Variants in LUZP2 observed in about 807,000 individuals in gnomAD.
LUZP2 encodes the protein leucine zipper protein 2.
Under a neutral mutation model 51.6 loss-of-function variants are expected in LUZP2, and 52 were observed. The ratio of observed to expected loss-of-function variants is 1.01; its 90% confidence interval spans 0.81 to 1.27. The LOEUF (loss-of-function observed/expected upper bound fraction) is 1.27, where lower values mean the gene tolerates loss of function less well. Ranked by LOEUF, LUZP2 falls within the 50% of genes most tolerant of loss-of-function variation. LUZP2 has a pLI of 0.00. For missense variants in LUZP2, 436 were observed against 395.4 expected (o/e 1.10, Z -0.87); for synonymous variants, 154 against 137.3 (o/e 1.12, Z -0.85).
chr11:24,931,010 G>A (rs575919266), intron 7 of LUZP2, among the ~76,000 whole-genome samples: 2 of 151,926 alleles, frequency 1.3e-5, no homozygotes, highest in African/African-American at 2.4e-5. Context: ...TCAGAAGATC[G>A]AGACCATCCT....
At chr11:25,034,951 A>G (rs1041535575) in intron 9 of LUZP2, among the ~76,000 whole-genome samples, 1 of 152,106 alleles carries the variant, frequency 6.6e-6, no homozygotes, top group African/African-American at 2.4e-5. Context: ...GATCATCTCA[A>G]TAGATACAGA....
At chr11:24,663,333 A>G (rs376603194) in intron 1 of LUZP2, among the ~76,000 whole-genome samples, 2 of 152,116 alleles carry the variant, frequency 1.3e-5, no homozygotes, top group Non-Finnish European at 1.5e-5. Context: ...CTCCTGCTCC[A>G]TCATCATAAG....
intron 1 of LUZP2, among the ~76,000 whole-genome samples, chr11:24,660,315 C>A (rs1283788506): frequency 6.6e-6 from 1 of 152,064 alleles, no homozygotes; most frequent in Non-Finnish European, 1.5e-5. Context: ...ATGGGGCTGA[C>A]AACTTTCATG....
intron 5 of LUZP2, among the ~76,000 whole-genome samples, chr11:24,901,680 T>G (rs1853287071): frequency 6.6e-6 from 1 of 152,144 alleles, no homozygotes; most frequent in African/African-American, 2.4e-5. Context: ...CCACCCTTGA[T>G]ATCTAAACCT....
At chr11:24,522,719 A>G (rs1317143246) in intron 1 of LUZP2, among the ~76,000 whole-genome samples, 1 of 152,150 alleles carries the variant, frequency 6.6e-6, no homozygotes, top group East Asian at 1.9e-4. Context: ...AATTAAATAT[A>G]CAATCGTCTT....
At chr11:25,053,484 T>C (rs1403968594) in intron 10 of LUZP2, among the ~76,000 whole-genome samples, 1 of 151,792 alleles carries the variant, frequency 6.6e-6, no homozygotes, top group Non-Finnish European at 1.5e-5. Flanking sequence ...ATTTGCTGAG[T>C]CCAGGACTGT....
intron 1 of LUZP2, among the ~76,000 whole-genome samples, chr11:24,702,488 G>A (rs1041928238): frequency 6.6e-6 from 1 of 152,188 alleles, no homozygotes; most frequent in African/African-American, 2.4e-5. Flanking sequence ...TTCTGCTGAG[G>A]CCTCAGTGAG....
intron 7 of LUZP2, among the ~76,000 whole-genome samples, chr11:24,948,888 T>C (rs1184146082): frequency 6.6e-6 from 1 of 151,328 alleles, no homozygotes; most frequent in Non-Finnish European, 1.5e-5. Flanking sequence ...TCTATCTAGA[T>C]ATACTTAGAT....
chr11:24,552,481 A>G (rs966571612), intron 1 of LUZP2, among the ~76,000 whole-genome samples: 8 of 152,014 alleles, frequency 5.3e-5, no homozygotes, highest in African/African-American at 1.9e-4. Flanking sequence ...CTATAAATAA[A>G]CAATATTATC....
chr11:24,602,228 A>ATATATGTG (rs71041784), intron 1 of LUZP2, among the ~76,000 whole-genome samples: 2,439 of 33,700 alleles, frequency 0.072, 82 homozygotes, highest in Non-Finnish European at 0.13. Context: ...ATATATGTAC[A>ATATATGTG]TATATGTGTA....
intron 1 of LUZP2, among the ~76,000 whole-genome samples, chr11:24,690,559 T>C (rs1255450733): frequency 6.6e-6 from 1 of 152,168 alleles, no homozygotes; most frequent in Non-Finnish European, 1.5e-5. Flanking sequence ...TTACAATTTA[T>C]TTCCACTCTG....
intron 5 of LUZP2, among the ~76,000 whole-genome samples, chr11:24,770,601 A>G (rs12164800): frequency 0.08 from 12,198 of 152,178 alleles, 1,054 homozygotes; most frequent in African/African-American, 0.22. Context: ...TAAGTGCCTG[A>G]GAGAAAAATC....
At chr11:24,517,254 G>C (rs1211550256) in intron 1 of LUZP2, among the ~76,000 whole-genome samples, 1 of 151,880 alleles carries the variant, frequency 6.6e-6, no homozygotes, top group African/African-American at 2.4e-5. Flanking sequence ...GGGAGGCCAA[G>C]GTGGGCGGAT....
At chr11:24,921,826 G>A (rs888516636) in intron 7 of LUZP2, among the ~76,000 whole-genome samples, 14 of 152,074 alleles carry the variant, frequency 9.2e-5, no homozygotes, top group Non-Finnish European at 1.8e-4. Context: ...AATTCCCTGT[G>A]TAATCAGAGG....
intron 1 of LUZP2, among the ~76,000 whole-genome samples, chr11:24,583,538 T>C (rs1852948679): frequency 6.6e-6 from 1 of 152,128 alleles, no homozygotes; most frequent in African/African-American, 2.4e-5. Flanking sequence ...AACCAGACTA[T>C]TTGGCACCCC....
intron 5 of LUZP2, among the ~76,000 whole-genome samples, chr11:24,828,104 T>G (rs1850596551): frequency 6.6e-6 from 1 of 151,902 alleles, no homozygotes; most frequent in Non-Finnish European, 1.5e-5. Flanking sequence ...AGGAGAAAAC[T>G]ATAGAAAAAA....
At chr11:24,898,768 T>C (rs1015726050) in intron 5 of LUZP2, among the ~76,000 whole-genome samples, 2 of 152,198 alleles carry the variant, frequency 1.3e-5, no homozygotes, top group African/African-American at 2.4e-5. Context: ...CAAATTTTTA[T>C]TTGCTAGCGT....
intron 1 of LUZP2, among the ~76,000 whole-genome samples, chr11:24,564,022 T>C (rs529903853): frequency 6.6e-6 from 1 of 152,256 alleles, no homozygotes; most frequent in African/African-American, 2.4e-5. Context: ...TACAGTTATA[T>C]CCAAGAAATA....
intron 9 of LUZP2, among the ~76,000 whole-genome samples, chr11:25,006,031 G>A (rs964675088): frequency 6.6e-6 from 1 of 152,112 alleles, no homozygotes; most frequent in African/African-American, 2.4e-5. Flanking sequence ...TGAATAGGAA[G>A]GATACAATTT....
Sources: gnomAD v4.1 joint callset for allele counts (sites outside exome capture counted in the v4.1 genomes callset) on GRCh38, gnomAD v4.1.1 for gene constraint, MANE v1.5 for transcripts, NCBI Gene and HGNC (gene_info 2026-07-23, HGNC 2026-07-21) for gene names.